The following CFAP65 variants were observed in gnomAD, a reference collection of about 807,000 sequenced individuals.
CFAP65 encodes the protein cilia- and flagella-associated protein 65.
CFAP65 carries 155 observed loss-of-function variants against 208.0 expected under a neutral mutation model. The observed-to-expected ratio is 0.75, with a 90% confidence interval of 0.65 to 0.85. The LOEUF is 0.85. CFAP65 is among the 40% of genes least tolerant of loss of function. CFAP65 has a pLI of 0.00. For synonymous variants in CFAP65, 970 were observed against 986.3 expected, an observed-to-expected ratio of 0.98 and a Z score of 0.31; for missense variants, 2,294 against 2,451.3, an observed-to-expected ratio of 0.94 and a Z score of 1.36.
intron 21 of CFAP65, among the ~76,000 whole-genome samples, chr2:219,016,810 G>T (rs1946918572): frequency 6.6e-6 from 1 of 152,206 alleles, no homozygotes; most frequent in Non-Finnish European, 1.5e-5. Flanking sequence ...CCCATCCCAT[G>T]ATGTCCTCAG....
chr2:219,031,744 A>C lies in CFAP65; in HGVS notation c.646-86T>G. 1.1e-5 allele frequency: 16 copies of C among 1,471,796 alleles called. No homozygotes were observed. Among genetic ancestry groups the C allele is most frequent in the Non-Finnish European group, 1.4e-5 (15 of 1,088,088 alleles). 91.2% of individuals were successfully genotyped at this position (1,471,796 alleles called of 1,614,324 possible). ...CCGCCCACCCTCAGCCACCCCCAACACAACCGCTGAGGGGAGGGCCAGGCC... is the reference window on the plus strand; with the variant it reads ...CCGCCCACCCTCAGCCACCCCCAACCCAACCGCTGAGGGGAGGGCCAGGCC... On this transcript the variant is annotated intron_variant, in intron 6 of 34. Transcript: ENST00000341552. The surrounding 1 kb of genome is among the most constrained non-coding windows in gnomAD (Gnocchi z 5.2).
intron 16 of CFAP65, 51 bp from the exon 17 acceptor site, chr2:219,022,380 G>C: frequency 6.4e-7 from 1 of 1,557,856 alleles, no homozygotes. Context: ...CCCCTCCACA[G>C]GTACCTGGCC....
Position 219,032,459 on chromosome 2 carries a change from G to A in CFAP65, c.645+11C>T. On this transcript the variant is annotated intron_variant, in intron 6 of 34. Coordinates refer to ENST00000341552, the MANE Select transcript of CFAP65 (RefSeq NM_194302.4). The surrounding 1 kb of genome is among the most constrained non-coding windows in gnomAD (Gnocchi z 5.5). ...TACCTCCCTGCCCTCACTCGCTGTG[G>A]CAGACCTTACCGCCTCCAGAGGCCG... 1.3e-6 allele frequency: 2 copies of A among 1,574,332 alleles called. No individual in the cohort carries two copies. The highest frequency in any genetic ancestry group is 1.7e-6 in the Non-Finnish European group (2 of 1,159,310).
rs1184462238 is a variant in CFAP65 at position 219,023,212 on chromosome 2, T to G, written c.2815A>C (p.Arg939=). The G allele has an allele frequency of 6.2e-7, 1 of 1,611,306 alleles. No homozygotes were observed. Among genetic ancestry groups the G allele is most frequent in the East Asian group, 2.2e-5 (1 of 44,856 alleles). The change falls in exon 16 of 35, where the codon AGA becomes CGA. Residue 939 remains arginine, a synonymous_variant. Transcript: ENST00000341552. ...PSRGLIQPNE[R]LTLTWTFSPL... ...GCAGGAGGGGAGCCACTCACAAGTC[T>G]CTCGTTGGGCTGGATTAGCCCCCTG... is the stretch of plus-strand genomic sequence containing the variant.
At position 219,021,221 on chromosome 2, in the gene CFAP65, G is replaced by A. The variant is rs1947243632; in HGVS notation, c.3190C>T (p.Leu1064=). Residue 1064 remains leucine (L), a synonymous_variant, in exon 19 of 35, where the codon CTG becomes TTG. Transcript: ENST00000341552. ...GACCGCTGCTTGGGACAGGCAGTCAGGCAGATGGTGTCCTGGGACCGGGGT... is the reference window on the plus strand; with the variant it reads ...GACCGCTGCTTGGGACAGGCAGTCAAGCAGATGGTGTCCTGGGACCGGGGT... ...MPPRSQDTIC[L]TACPKQRSQY... is the part of the protein sequence containing the mutation. 6.2e-7 allele frequency: 1 copy of A among 1,608,684 alleles called. No homozygotes were observed. Among genetic ancestry groups the A allele is most frequent in the Non-Finnish European group, 8.5e-7 (1 of 1,177,322 alleles).
At chr2:219,027,298 A>G in intron 13 of CFAP65, 1 of 1,429,258 alleles carries the variant, frequency 7.0e-7, no homozygotes, top group Non-Finnish European at 9.1e-7. Flanking sequence ...GCTCCTTTAG[A>G]GTGACCACTT....
At position 219,003,958 on chromosome 2, in the gene CFAP65, A is replaced by C. The variant is rs1179224782; in HGVS notation, c.5549T>G (p.Ile1850Ser). The C allele has an allele frequency of 6.2e-7, 1 of 1,609,834 alleles. No homozygotes were observed. The highest frequency in any genetic ancestry group is 1.3e-5 in the African/African-American group (1 of 74,778). ...EEQEQDEKEAIRRLPAFANLQ... is the reference protein window; with the variant it reads ...EEQEQDEKEASRRLPAFANLQ... ...CTGGGGCCTGGCTGCTCACCTTCTG[A>C]TGGCCTCCTTCTCGTCCTGTTCTTG... The change falls in exon 33 of 35, where the codon ATC (isoleucine) becomes AGC (serine). Residue 1850 changes from isoleucine (I) to serine (S), a missense_variant. By Grantham distance (142) the Ile-to-Ser change is moderately radical. Coordinates refer to ENST00000341552, the MANE Select transcript of CFAP65 (RefSeq NM_194302.4). This position sits in a 1 kb window ranked among gnomAD's most constrained non-coding sequence, Gnocchi z 4.4.
chr2:219,032,404 G>T lies in CFAP65; in HGVS notation c.645+66C>A. 7.0e-7 allele frequency: 1 copy of T among 1,432,284 alleles called. No homozygotes were observed. The highest frequency in any genetic ancestry group is 2.5e-5 in the East Asian group (1 of 39,984). The allele number at this position is 1,432,284 out of a possible 1,614,324, so 88.7% of individuals were successfully genotyped here. On this transcript the variant is annotated intron_variant, in intron 6 of 34. Coordinates refer to ENST00000341552, the MANE Select transcript of CFAP65 (RefSeq NM_194302.4). The surrounding 1 kb of genome is among the most constrained non-coding windows in gnomAD (Gnocchi z 5.5). ...GGGGCGCTCCTGGTTGCTCTGTCCT[G>T]TTTTCTGTTCTGAGGTCACTGCTCC... is the stretch of plus-strand genomic sequence containing the variant.
chr2:219,020,074 G>A (rs1432998379), intron 19 of CFAP65, among the ~76,000 whole-genome samples: 1 of 149,274 alleles, frequency 6.7e-6, no homozygotes, highest in African/African-American at 2.5e-5. Flanking sequence ...TATTCACAGA[G>A]TTGTGCAACC....
At position 219,011,140 on chromosome 2, in the gene CFAP65, C is replaced by T. The variant is rs913989786; in HGVS notation, c.3958-144G>A. 6.2e-6 allele frequency: 4 copies of T among 646,692 alleles called. No individual in the cohort carries two copies. In the African/African-American group the frequency reaches 7.2e-5, roughly 12 times the overall value. 40.1% of individuals were successfully genotyped at this position (646,692 alleles called of 1,614,324 possible). On this transcript the variant is annotated intron_variant, in intron 24 of 34. Transcript: ENST00000341552. ...TCTGTGAGCTCCCGTGTGGCTTGAT[C>T]ACTCGAGAAGTATGTAACTGTATGG...
At position 219,004,514 on chromosome 2, in the gene CFAP65, C is replaced by G; in HGVS notation, c.5052-59G>C. ...GAGGGGCCCTGAAGCCCCTGGGGAG[C>G]CCTGGCTTCAGAGCTAGGTTCTAGG... On this transcript the variant is annotated intron_variant, in intron 32 of 34. Transcript: ENST00000341552. This position sits in a 1 kb window ranked among gnomAD's most constrained non-coding sequence, Gnocchi z 4.7. 6.5e-7 allele frequency: 1 copy of G among 1,532,582 alleles called. No individual in the cohort carries two copies. Among genetic ancestry groups the G allele is most frequent in the Non-Finnish European group, 8.7e-7 (1 of 1,144,052 alleles). 94.9% of individuals were successfully genotyped at this position (1,532,582 alleles called of 1,614,324 possible). A position where few individuals can be genotyped will look rare whatever the true frequency, so the allele number is the denominator to read the frequency against.
At chr2:219,005,303 G>A (rs1009877080) in intron 32 of CFAP65, 131 bp downstream of exon 32, 1 of 1,284,698 alleles carries the variant, frequency 7.8e-7, no homozygotes, top group Non-Finnish European at 1.1e-6. Context: ...TGGAATTACA[G>A]GCAAGAACCT....
In CFAP65 at chr2:219,002,921, G is replaced by T; in HGVS notation, c.*16C>A. On this transcript the variant is annotated 3_prime_UTR_variant, in exon 35 of 35. Transcript: ENST00000341552. This position sits in a 1 kb window ranked among gnomAD's most constrained non-coding sequence, Gnocchi z 7.9. ...GTGACCCCTAGCGGCATGTCGGAGA[G>T]GCTGGGCGCGGGCATTTACGGAAGG... 6.4e-7 allele frequency: 1 copy of T among 1,560,208 alleles called. No individual in the cohort carries two copies. The highest frequency in any genetic ancestry group is 1.2e-5 in the South Asian group (1 of 84,830).
chr2:219,025,835 C>T (rs953043528), intron 14 of CFAP65, among the ~76,000 whole-genome samples, 187 bp downstream of exon 14: 2 of 152,126 alleles, frequency 1.3e-5, no homozygotes, highest in Admixed American at 6.5e-5. Context: ...GTCCCAGTGT[C>T]GGGGCCCAGG....
chr2:219,025,042 T>C (rs755356616), intron 14 of CFAP65, among the ~76,000 whole-genome samples: 2 of 152,218 alleles, frequency 1.3e-5, no homozygotes, highest in Non-Finnish European at 2.9e-5. Context: ...TCTTCAGGTA[T>C]CCAGGGTGTG....
At chr2:219,017,451 G>C (rs547492811) in intron 21 of CFAP65, among the ~76,000 whole-genome samples, 2 of 152,196 alleles carry the variant, frequency 1.3e-5, no homozygotes, top group African/African-American at 4.8e-5. Context: ...AAAACCCTCC[G>C]TCTGTTCTTT....
chr2:219,009,922 A>G lies in CFAP65; in HGVS notation c.4452+20T>C. The G allele has an allele frequency of 3.8e-6, 6 of 1,593,646 alleles. No individual in the cohort carries two copies. Among genetic ancestry groups the G allele is most frequent in the Non-Finnish European group, 5.1e-6 (6 of 1,171,594 alleles). ...GGTCTGGAGCTCTGATGGAGGTTCCAGGGCTCAGGGGACTCTCACCTCCCC... is the reference window on the plus strand; with the variant it reads ...GGTCTGGAGCTCTGATGGAGGTTCCGGGGCTCAGGGGACTCTCACCTCCCC... On this transcript the variant is annotated intron_variant, in intron 27 of 34. Coordinates refer to ENST00000341552, the MANE Select transcript of CFAP65 (RefSeq NM_194302.4).
chr2:219,026,006 T>A lies in CFAP65; in HGVS notation c.2349+16A>T. ...CTCCCCTGTCTCCCTCCCACTGCTGTTGGGGCCACGCTTACCTTGGGGACA... is the reference window on the plus strand; with the variant it reads ...CTCCCCTGTCTCCCTCCCACTGCTGATGGGGCCACGCTTACCTTGGGGACA... On this transcript the variant is annotated intron_variant, in intron 14 of 34. Coordinates refer to ENST00000341552, the MANE Select transcript of CFAP65 (RefSeq NM_194302.4). 1 of 1,612,180 alleles carries A rather than the reference T, an allele frequency of 6.2e-7. No homozygotes were observed. The highest frequency in any genetic ancestry group is 1.7e-4 in the Middle Eastern group (1 of 6,024).
At chr2:219,027,497 C>A in intron 13 of CFAP65, 153 bp downstream of exon 13, 1 of 1,591,616 alleles carries the variant, frequency 6.3e-7, no homozygotes, top group African/African-American at 1.3e-5. Flanking sequence ...TTGGAGGAGA[C>A]AAACTCATAG....
Sources: gnomAD v4.1 joint callset for allele counts (sites outside exome capture counted in the v4.1 genomes callset) on GRCh38, gnomAD v4.1.1 for gene constraint, Gnocchi (gnomAD v3.1) non-coding constraint, MANE v1.5 for transcripts, NCBI Gene and HGNC (gene_info 2026-07-23, HGNC 2026-07-21) for gene names.